INSL6: variants seen among roughly 807,000 people sequenced by gnomAD.
INSL6 encodes the protein insulin-like peptide INSL6.
INSL6 carries 16 observed loss-of-function variants against 9.4 expected under a neutral mutation model. That is an observed-to-expected ratio of 1.70 (90% CI 1.15 to 2.59). The LOEUF is 2.59. Ranked by LOEUF, INSL6 falls within the 30% of genes most tolerant of loss-of-function variation. The probability of loss-of-function intolerance (pLI) is 0.00; values close to 1 mark genes in which losing one functional copy is unlikely to be tolerated. For missense variants in INSL6, 391 were observed against 257.3 expected (o/e 1.52, Z -3.56); for synonymous variants, 154 against 96.9 (o/e 1.59, Z -3.46).
chr9:5,029,773 T>C, the INSL6 span: 1 of 1,600,458 alleles, frequency 6.2e-7, no homozygotes, highest in East Asian at 2.2e-5. Context: ...TTTCTCTGCT[T>C]CTTTTCTAGG....
chr9:5,176,985 A>C (rs1450973821), intron 1 of INSL6, among the ~76,000 whole-genome samples: 1 of 151,754 alleles, frequency 6.6e-6, no homozygotes, highest in East Asian at 1.9e-4. Context: ...AAGTTTCCAT[A>C]AAGAAAACTT....
Position 5,135,855 on chromosome 9 carries a change from C to T in INSL6, c.377-2263G>A, listed in dbSNP as rs1228406855. ...CAGGAGCTGGTTTTTTGAAAAAAAT[C>T]AACAAAATAGATACACGGCTAGCCA... On this transcript the variant is annotated intron_variant, in intron 2 of 3. Transcript: ENST00000649639. Among the ~76,000 whole-genome samples the T allele has an allele frequency of 4.0e-5, 6 of 151,444 alleles. No homozygotes were observed. The East Asian group carries it at 1.2e-3, about 29-fold the overall frequency.
chr9:5,037,467 A>T, the INSL6 span, among the ~76,000 whole-genome samples: 18 of 152,246 alleles, frequency 1.2e-4, no homozygotes, highest in African/African-American at 4.1e-4. Flanking sequence ...TAGATGTCCA[A>T]CAATGATAGA....
At chr9:5,042,753 C>T in the INSL6 span, among the ~76,000 whole-genome samples, 3 of 152,188 alleles carry the variant, frequency 2.0e-5, no homozygotes, top group Admixed American at 1.3e-4. Context: ...GCATTGCTGC[C>T]AGGGGTGAGG....
At chr9:5,031,426 A>G in the INSL6 span, among the ~76,000 whole-genome samples, 1 of 152,246 alleles carries the variant, frequency 6.6e-6, no homozygotes, top group Non-Finnish European at 1.5e-5. Flanking sequence ...TCATACATAT[A>G]GAAACATAAT....
intron 1 of INSL6, among the ~76,000 whole-genome samples, chr9:5,183,603 T>C (rs769110027): frequency 6.6e-6 from 1 of 152,144 alleles, no homozygotes; most frequent in Non-Finnish European, 1.5e-5. Context: ...TCTCTTTAAA[T>C]AACAGCCTCA....
the INSL6 span, chr9:5,114,232 G>A: frequency 2.3e-5 from 12 of 521,896 alleles, no homozygotes; most frequent in Middle Eastern, 3.0e-3. Flanking sequence ...CTGTTCATCC[G>A]CAAGTTGCCC....
intron 3 of INSL6, chr9:5,126,196 T>G: frequency 1.7e-6 from 1 of 574,868 alleles, no homozygotes; most frequent in East Asian, 3.0e-5. Flanking sequence ...ATCCTAAAAG[T>G]AGTTTGTTTT....
chr9:5,128,250 A>G (rs1824134330), intron 3 of INSL6: 1 of 230,678 alleles, frequency 4.3e-6, no homozygotes, highest in East Asian at 6.1e-5. Context: ...GTTGAAGGGA[A>G]GGAAAAGGAA....
chr9:5,140,266 T>A (rs1378021402), intron 2 of INSL6, among the ~76,000 whole-genome samples: 1 of 152,024 alleles, frequency 6.6e-6, no homozygotes, highest in Non-Finnish European at 1.5e-5. Context: ...AGCTATCAGA[T>A]CAGAACTCTC....
At chr9:5,044,326 G>C in the INSL6 span, 1 of 846,040 alleles carries the variant, frequency 1.2e-6, no homozygotes, top group South Asian at 1.4e-5. Flanking sequence ...TCAGTATGCT[G>C]TAGGTGACTA....
chr9:5,099,878 T>C, the INSL6 span: 1 of 152,148 alleles, frequency 6.6e-6, no homozygotes, highest in African/African-American at 2.4e-5. Context: ...GCAATCCCCC[T>C]GTGAGCAGGC....
the INSL6 span, chr9:5,054,541 G>T: frequency 1.3e-6 from 2 of 1,527,576 alleles, no homozygotes. The surrounding 1 kb of genome is among the most constrained non-coding windows in gnomAD (Gnocchi z 4.9). Flanking sequence ...TTGTTTTTCT[G>T]TATGTGCTTT....
chr9:5,011,571 A>G, the INSL6 span, among the ~76,000 whole-genome samples: 1 of 152,214 alleles, frequency 6.6e-6, no homozygotes, highest in African/African-American at 2.4e-5. Flanking sequence ...AAATTCTATT[A>G]CATATGTATC....
the INSL6 span, among the ~76,000 whole-genome samples, chr9:5,048,714 T>C: frequency 3.3e-5 from 5 of 152,196 alleles, no homozygotes; most frequent in Non-Finnish European, 7.3e-5. Context: ...ATTTTATTAA[T>C]AGAAAAGCAA....
chr9:5,178,604 A>T lies in INSL6; in HGVS notation c.289+6710T>A, dbSNP rs572973484. On this transcript the variant is annotated intron_variant, in intron 1 of 1. Transcript: ENST00000381641. ...CCTACATCACACTACCCAACTTCAAACTATACTACAAGGCTACAGTAACCA... is the reference window on the plus strand; with the variant it reads ...CCTACATCACACTACCCAACTTCAATCTATACTACAAGGCTACAGTAACCA... Among the ~76,000 whole-genome samples the T allele has an allele frequency of 1.3e-3, 194 of 152,262 alleles. 1 individual carries two copies. The highest frequency in any genetic ancestry group is 4.5e-3 in the African/African-American group (185 of 41,556).
At chr9:5,087,506 C>A in the INSL6 span, among the ~76,000 whole-genome samples, 4 of 117,518 alleles carry the variant, frequency 3.4e-5, no homozygotes, top group Non-Finnish European at 6.9e-5. Context: ...CTGGTCCTAT[C>A]TCAAACCCTT....
At chr9:5,045,049 C>G in the INSL6 span, among the ~76,000 whole-genome samples, 5 of 152,122 alleles carry the variant, frequency 3.3e-5, no homozygotes, top group Non-Finnish European at 7.4e-5. Context: ...ACAGTTATGT[C>G]AAATTTTTGT....
At chr9:5,102,209 G>A in the INSL6 span, among the ~76,000 whole-genome samples, 1 of 152,140 alleles carries the variant, frequency 6.6e-6, no homozygotes, top group South Asian at 2.1e-4. Flanking sequence ...ACCTGATGGA[G>A]CTGAAAACCA....
Sources: allele counts gnomAD v4.1 joint callset (sites outside exome capture counted in the v4.1 genomes callset), GRCh38; gene constraint gnomAD v4.1.1; non-coding constraint Gnocchi (gnomAD v3.1); transcripts MANE v1.5; gene names NCBI Gene and HGNC (gene_info 2026-07-23, HGNC 2026-07-21).